Variants in MAEL observed in about 807,000 individuals in gnomAD.
MAEL encodes protein maelstrom homolog.
MAEL carries 46 observed loss-of-function variants against 62.0 expected under a neutral mutation model. The ratio of observed to expected loss-of-function variants is 0.74; its 90% CI spans 0.59 to 0.95. MAEL has a LOEUF of 0.95. MAEL is among the 40% of genes least tolerant of loss of function. The pLI, the probability that MAEL is intolerant of heterozygous loss-of-function variation, is 0.00. For synonymous variants in MAEL, 172 were observed against 175.5 expected (o/e 0.98, Z 0.16); for missense variants, 497 against 526.8 (o/e 0.94, Z 0.55).
intron 2 of MAEL, 69 bp from the exon 3 acceptor site, chr1:166,991,309 A>G: frequency 1.0e-6 from 1 of 966,312 alleles, no homozygotes. Flanking sequence ...TTATTTAGCT[A>G]AATTTTAATG....
chr1:167,000,930 C>G (rs760910520), intron 5 of MAEL, among the ~76,000 whole-genome samples: 3 of 152,100 alleles, frequency 2.0e-5, no homozygotes, highest in Non-Finnish European at 2.9e-5. Context: ...AGAAGTCATA[C>G]GAAAAGGATA....
chr1:167,001,674 A>G (rs1174821608), intron 5 of MAEL, among the ~76,000 whole-genome samples: 2 of 152,224 alleles, frequency 1.3e-5, no homozygotes, highest in Non-Finnish European at 2.9e-5. Flanking sequence ...AACCCACAGC[A>G]TCTCCAAGAT....
At chr1:166,997,539 TGATTTTTA>T (rs1411693263) in intron 5 of MAEL, among the ~76,000 whole-genome samples, 2 of 152,192 alleles carry the variant, frequency 1.3e-5, no homozygotes, top group Admixed American at 1.3e-4. Flanking sequence ...AAACATTTTT[TGATTTTTA>T]GAGATGGGGT....
rs530507831 is a variant in MAEL at position 166,994,243 on chromosome 1, T to G, written c.523+174T>G. 1.2e-4 allele frequency among the ~76,000 whole-genome samples: 18 copies of G among 152,360 alleles called. No individual in the cohort carries two copies. The East Asian group carries it at 3.3e-3, about 28-fold the overall frequency. On this transcript the variant is annotated intron_variant, in intron 5 of 11. Transcript: ENST00000367872. ...TGTGATCTTTAAATTTTTTATAGAC[T>G]GATAGTATACTGTCCCTTTTCTTTT...
In MAEL at chr1:166,989,416, C is replaced by A. The variant is rs781375415; in HGVS notation, c.64C>A (p.Leu22Ile). The A allele has an allele frequency of 2.5e-6, 4 of 1,604,056 alleles. No homozygotes were observed. The South Asian group carries it at 3.4e-5, about 14-fold the overall frequency. Residue 22 changes from leucine to isoleucine, a missense_variant, in exon 1 of 12, where the codon CTA becomes ATA. Leu to Ile is a conservative substitution (Grantham distance 5, BLOSUM62 2). Transcript: ENST00000367872. The part of the protein sequence containing the change: ...YFFVQEKIPE[L>I]RRRGLPVARV... ...CTTCGTGCAGGAGAAGATCCCCGAACTACGGCGACGAGGCCTGCCTGTGGC... is the reference window on the plus strand; with the variant it reads ...CTTCGTGCAGGAGAAGATCCCCGAAATACGGCGACGAGGCCTGCCTGTGGC...
chr1:166,991,940 A>T (rs1184859362), intron 3 of MAEL, among the ~76,000 whole-genome samples: 1 of 152,222 alleles, frequency 6.6e-6, no homozygotes, highest in Non-Finnish European at 1.5e-5. Flanking sequence ...CACAATGTAT[A>T]CATGTATCAA....
At chr1:167,016,058 A>G (rs1665375920) in intron 8 of MAEL, 164 bp from the exon 9 acceptor site, 2 of 660,040 alleles carry the variant, frequency 3.0e-6, no homozygotes, top group Non-Finnish European at 5.4e-6. Context: ...GTATCAGAGA[A>G]TGTAGCATTA....
intron 5 of MAEL, among the ~76,000 whole-genome samples, chr1:167,001,538 C>T (rs968742042): frequency 5.9e-5 from 9 of 152,148 alleles, no homozygotes; most frequent in Non-Finnish European, 1.2e-4. Context: ...ATTTTTAAAA[C>T]AATGCTACTG....
At chr1:167,017,743 C>T in intron 9 of MAEL, 84 bp from the exon 10 acceptor site, 1 of 1,339,160 alleles carries the variant, frequency 7.5e-7, no homozygotes, top group Non-Finnish European at 1.0e-6. Context: ...CAGATGCTTT[C>T]TTTTTGTTAG....
At position 167,005,364 on chromosome 1, in the gene MAEL, A is replaced by G; in HGVS notation, c.812A>G (p.Asp271Gly). 1.2e-6 allele frequency: 2 copies of G among 1,611,940 alleles called. No homozygotes were observed. Among genetic ancestry groups the G allele is most frequent in the South Asian group, 2.2e-5 (2 of 90,506 alleles). ...PSKTWIRSLL[D>G]VAMWDYSSNT... ...AAGACTTGGATTCGAAGCCTCCTAG[A>G]TGTGGCCATGTGGGATTATTCTAGC... The change falls in exon 8 of 12, where the codon GAT becomes GGT. Residue 271 changes from aspartate (D) to glycine (G), a missense_variant. Transcript: ENST00000367872.
chr1:167,021,274 G>T, intron 11 of MAEL, 114 bp downstream of exon 11: 2 of 758,746 alleles, frequency 2.6e-6, no homozygotes, highest in South Asian at 1.8e-5. Flanking sequence ...GATATAAGAA[G>T]CTTGTTGAAT....
At chr1:167,016,486 A>T (rs1476857403) in intron 9 of MAEL, among the ~76,000 whole-genome samples, 1 of 152,138 alleles carries the variant, frequency 6.6e-6, no homozygotes, top group African/African-American at 2.4e-5. Context: ...ACAGGCAATA[A>T]TAAATGCTGG....
chr1:167,016,803 T>TA (rs1557988091), intron 9 of MAEL, among the ~76,000 whole-genome samples: 1 of 151,972 alleles, frequency 6.6e-6, no homozygotes. Context: ...ATTCAGCCAT[T>TA]AAAAAAATGA....
chr1:167,011,914 C>T (rs1027584532), intron 8 of MAEL, among the ~76,000 whole-genome samples: 3 of 152,142 alleles, frequency 2.0e-5, no homozygotes, highest in African/African-American at 7.2e-5. Flanking sequence ...CTATACTCTA[C>T]AACAAGACTA....
rs1231110486 is a variant in MAEL at position 167,004,107 on chromosome 1, C to T, written c.524-73C>T. 7.6e-6 allele frequency: 10 copies of T among 1,321,370 alleles called. No homozygotes were observed. The South Asian group carries it at 1.4e-4, about 19-fold the overall frequency. 81.9% of individuals were successfully genotyped at this position (1,321,370 alleles called of 1,614,324 possible). On this transcript the variant is annotated intron_variant, in intron 5 of 11. Coordinates refer to ENST00000367872, the MANE Select transcript of MAEL (RefSeq NM_032858.3). ...TGTTACCCACTACTCTCTTCTTGTACCCCCACTTCTATACCTACCCCATAA... is the reference window on the plus strand; with the variant it reads ...TGTTACCCACTACTCTCTTCTTGTATCCCCACTTCTATACCTACCCCATAA...
Position 166,989,301 on chromosome 1 carries a change from A to G in MAEL, c.-52A>G, listed in dbSNP as rs367546837. 5 of 1,572,274 alleles carry G rather than the reference A, an allele frequency of 3.2e-6. No individual in the cohort carries two copies. The highest frequency in any genetic ancestry group is 2.3e-5 in the East Asian group (1 of 43,376). On this transcript the variant is annotated 5_prime_UTR_variant, in exon 1 of 12. Transcript: ENST00000367872. ...TGTTACTTAGGGCGGGAGCCCGGCG[A>G]GGGCGCCGGTGCTTTGTTCTGTCTG... is the stretch of plus-strand genomic sequence containing the variant.
At chr1:167,020,562 C>G (rs1373034412) in intron 10 of MAEL, among the ~76,000 whole-genome samples, 1 of 152,086 alleles carries the variant, frequency 6.6e-6, no homozygotes, top group Non-Finnish European at 1.5e-5. Flanking sequence ...TCATCTCTTC[C>G]CTCACCTTTG....
chr1:167,005,147 G>T lies in MAEL; in HGVS notation c.703+17G>T. ...AGGCATCAGGTAAGTAAAACTCTGG[G>T]TTGCTGCAGAAGTGCTTTATAGTTA... is the stretch of plus-strand genomic sequence containing the variant. On this transcript the variant is annotated intron_variant, in intron 7 of 11. Transcript: ENST00000367872. The T allele has an allele frequency of 6.2e-7, 1 of 1,613,348 alleles. No individual in the cohort carries two copies. The highest frequency in any genetic ancestry group is 8.5e-7 in the Non-Finnish European group (1 of 1,179,610).
rs1327861 is a variant in MAEL at position 167,014,217 on chromosome 1, G to A, written c.846-2005G>A. On this transcript the variant is annotated intron_variant, in intron 8 of 11. Transcript: ENST00000367872. Reference sequence around the variant, plus strand: ...ATTCTTTGCCTGTCATCTTCACAGCGTCTTGGGACCAAGAAGAGATAAATT... The same window carrying A: ...ATTCTTTGCCTGTCATCTTCACAGCATCTTGGGACCAAGAAGAGATAAATT... Among the ~76,000 whole-genome samples, 1,240 of 152,270 alleles carry A rather than the reference G, an allele frequency of 8.1e-3. 15 individuals carry two copies. Among genetic ancestry groups the A allele is most frequent in the African/African-American group, 0.029 (1,188 of 41,546 alleles).
Sources: allele counts gnomAD v4.1 joint callset (sites outside exome capture counted in the v4.1 genomes callset), GRCh38; gene constraint gnomAD v4.1.1; transcripts MANE v1.5; gene names NCBI Gene and HGNC (gene_info 2026-07-23, HGNC 2026-07-21).